Variants in TTLL11 observed in about 807,000 individuals in gnomAD.
The protein encoded by TTLL11 is tubulin polyglutamylase TTLL11.
Under a neutral mutation model 51.7 loss-of-function variants are expected in TTLL11, and 42 were observed. The observed-to-expected ratio is 0.81, with a 90% confidence interval of 0.64 to 1.05. TTLL11 has a LOEUF of 1.05. TTLL11 is among the 50% of genes least tolerant of loss of function. The probability of loss-of-function intolerance (pLI) is 0.00; values close to 1 mark genes in which losing one functional copy is unlikely to be tolerated. For missense variants in TTLL11, 799 were observed against 940.4 expected (o/e 0.85, Z 1.97); for synonymous variants, 381 against 383.5 (o/e 0.99, Z 0.08).
At chr9:122,051,997 C>CA (rs1845175040) in intron 1 of TTLL11, among the ~76,000 whole-genome samples, 1 of 152,044 alleles carries the variant, frequency 6.6e-6, no homozygotes, top group African/African-American at 2.4e-5. Context: ...AAGGACTAAG[C>CA]AACTGCCCTT....
chr9:122,069,964 C>A (rs1161270966), intron 1 of TTLL11, among the ~76,000 whole-genome samples: 1 of 151,268 alleles, frequency 6.6e-6, no homozygotes, highest in Non-Finnish European at 1.5e-5. Context: ...TTCCAGAGCA[C>A]CTACTCTAGG....
chr9:122,050,580 C>T (rs1052163688), intron 1 of TTLL11, among the ~76,000 whole-genome samples: 19 of 152,236 alleles, frequency 1.2e-4, no homozygotes, highest in Non-Finnish European at 1.9e-4. Context: ...CAAGATGGTC[C>T]CCAGTGATCC....
chr9:121,906,977 G>A (rs180806420), intron 6 of TTLL11, among the ~76,000 whole-genome samples: 3 of 152,140 alleles, frequency 2.0e-5, no homozygotes, highest in Non-Finnish European at 2.9e-5. Flanking sequence ...ACAGCTGACC[G>A]ACAACCACCC....
At chr9:121,911,295 G>T (rs1273030280) in intron 6 of TTLL11, among the ~76,000 whole-genome samples, 4 of 152,176 alleles carry the variant, frequency 2.6e-5, no homozygotes, top group African/African-American at 4.8e-5. Context: ...TACTCTGGAG[G>T]CTGAGGCTGG....
chr9:122,089,016 CAAAA>C (rs11432235), intron 1 of TTLL11, among the ~76,000 whole-genome samples: 6 of 91,960 alleles, frequency 6.5e-5, no homozygotes, highest in Admixed American at 1.3e-4. Context: ...CACCCTGTCT[CAAAA>C]AAAAAAAAAA....
At chr9:122,088,763 TGA>T (rs1219050774) in intron 1 of TTLL11, among the ~76,000 whole-genome samples, 1 of 152,154 alleles carries the variant, frequency 6.6e-6, no homozygotes, top group East Asian at 1.9e-4. Flanking sequence ...CCCAGCATTT[TGA>T]GAGGCCGAGG....
chr9:122,085,329 T>G (rs1846096375), intron 1 of TTLL11, among the ~76,000 whole-genome samples: 1 of 152,124 alleles, frequency 6.6e-6, no homozygotes, highest in South Asian at 2.1e-4. Context: ...AAACATTCAA[T>G]TAGACTTAGG....
At chr9:122,001,958 T>A (rs1843481748) in intron 3 of TTLL11, among the ~76,000 whole-genome samples, 1 of 152,168 alleles carries the variant, frequency 6.6e-6, no homozygotes, top group South Asian at 2.1e-4. Context: ...AACTCCAGGG[T>A]GTTCTAAATG....
At chr9:122,016,552 A>T (rs1467330662) in intron 3 of TTLL11, among the ~76,000 whole-genome samples, 1 of 152,208 alleles carries the variant, frequency 6.6e-6, no homozygotes, top group Non-Finnish European at 1.5e-5. Flanking sequence ...ACTCTGACCC[A>T]CTTATAATGC....
chr9:121,960,254 A>G (rs893983376), intron 6 of TTLL11, among the ~76,000 whole-genome samples: 1 of 152,156 alleles, frequency 6.6e-6, no homozygotes, highest in Non-Finnish European at 1.5e-5. Context: ...CTGTACCTCA[A>G]TATCCATGCA....
intron 8 of TTLL11, among the ~76,000 whole-genome samples, chr9:121,826,557 G>GTGTATATATATATATATATATATATA (rs1189626793): frequency 1.9e-5 from 1 of 51,346 alleles, no homozygotes; most frequent in African/African-American, 7.1e-5. Context: ...ATATGTGTGT[G>GTGTATATATATATATATATATATATA]TATATATATA....
intron 8 of TTLL11, among the ~76,000 whole-genome samples, chr9:121,845,540 G>C (rs1273455955): frequency 2.0e-5 from 3 of 152,172 alleles, no homozygotes; most frequent in Non-Finnish European, 4.4e-5. Flanking sequence ...TGATCTAATA[G>C]ATAATTGTTC....
At chr9:121,899,094 G>A (rs1378431713) in intron 6 of TTLL11, among the ~76,000 whole-genome samples, 1 of 151,902 alleles carries the variant, frequency 6.6e-6, no homozygotes, top group African/African-American at 2.4e-5. Flanking sequence ...CTCCTCCCTG[G>A]GCCCCTCTGC....
chr9:121,883,487 G>A (rs759473767), intron 6 of TTLL11, among the ~76,000 whole-genome samples: 3 of 152,092 alleles, frequency 2.0e-5, no homozygotes, highest in Admixed American at 2.0e-4. Flanking sequence ...GGCCTCCTTC[G>A]ACCCATGACA....
Position 121,820,323 on chromosome 9 carries a change from G to A in TTLL11, c.*2264C>T, listed in dbSNP as rs1311652569. ...CTTCAAGAAATGGTGTCACGTGAGA[G>A]CTTTGTTAAGACTTCTGGTGGCTCC... On this transcript the variant is annotated 3_prime_UTR_variant, in exon 9 of 9. Coordinates refer to ENST00000321582, the MANE Select transcript of TTLL11 (RefSeq NM_001139442.2). Among the ~76,000 whole-genome samples the A allele has an allele frequency of 6.6e-6, 1 of 152,232 alleles. No homozygotes were observed. The highest frequency in any genetic ancestry group is 1.5e-5 in the Non-Finnish European group (1 of 68,040).
At chr9:121,904,176 A>AT (rs1839856711) in intron 6 of TTLL11, among the ~76,000 whole-genome samples, 1 of 150,090 alleles carries the variant, frequency 6.7e-6, no homozygotes, top group Admixed American at 6.6e-5. Context: ...GCTTTGATAC[A>AT]TTCTTTTTTT....
In TTLL11 at chr9:121,996,507, C is replaced by T. The variant is rs138295037; in HGVS notation, c.694-6737G>A. 2.1e-3 allele frequency among the ~76,000 whole-genome samples: 327 copies of T among 152,168 alleles called. 2 individuals are homozygous for T. The highest frequency in any genetic ancestry group is 7.1e-3 in the African/African-American group (293 of 41,516). On this transcript the variant is annotated intron_variant, in intron 3 of 8. Coordinates refer to ENST00000321582, the MANE Select transcript of TTLL11 (RefSeq NM_001139442.2). ...CACACATGTATAGAGTACACACATG[C>T]GAGCACATGCACACACATGCACACG...
chr9:121,917,148 G>C (rs555182906), intron 6 of TTLL11, among the ~76,000 whole-genome samples: 1 of 152,236 alleles, frequency 6.6e-6, no homozygotes, highest in East Asian at 1.9e-4. Flanking sequence ...AATGCGATGT[G>C]ATGTTATGTA....
intron 3 of TTLL11, among the ~76,000 whole-genome samples, chr9:122,021,959 G>C (rs7035900): frequency 6.6e-6 from 1 of 152,196 alleles, no homozygotes; most frequent in South Asian, 2.1e-4. Context: ...ATGGAAGATA[G>C]TTAAAAAGAC....
Sources: allele counts gnomAD v4.1 joint callset (sites outside exome capture counted in the v4.1 genomes callset), GRCh38; gene constraint gnomAD v4.1.1; transcripts MANE v1.5; gene names NCBI Gene and HGNC (gene_info 2026-07-23, HGNC 2026-07-21).